Variants in TMTC2 observed in about 807,000 individuals in gnomAD.
TMTC2 encodes the protein transmembrane O-mannosyltransferase targeting cadherins 2, also known as protein O-mannosyl-transferase TMTC2.
TMTC2 carries 43 observed loss-of-function variants against 82.4 expected under a neutral mutation model. The ratio of observed to expected loss-of-function variants is 0.52; its 90% CI spans 0.41 to 0.67. TMTC2 has a LOEUF of 0.67. Ranked by LOEUF, TMTC2 falls within the 30% of genes least tolerant of loss-of-function variation. TMTC2 has a pLI of 0.00. For missense variants in TMTC2, 919 were observed against 1,012.4 expected, an observed-to-expected ratio of 0.91 and a Z score of 1.25; for synonymous variants, 408 against 381.9, an observed-to-expected ratio of 1.07 and a Z score of -0.80.
chr12:82,898,029 C>T (rs1280475227), intron 3 of TMTC2, among the ~76,000 whole-genome samples: 1 of 152,104 alleles, frequency 6.6e-6, no homozygotes. Context: ...CTGATGAGCA[C>T]AAATTAAGTC....
chr12:82,998,190 A>G (rs1385600363), intron 8 of TMTC2, among the ~76,000 whole-genome samples: 1 of 152,166 alleles, frequency 6.6e-6, no homozygotes, highest in African/African-American at 2.4e-5. Context: ...AACTTACTAA[A>G]AAAGAGTGTG....
chr12:82,961,945 G>C (rs1049622351), intron 4 of TMTC2, among the ~76,000 whole-genome samples: 5 of 151,950 alleles, frequency 3.3e-5, no homozygotes, highest in African/African-American at 1.2e-4. Context: ...ATCTATCTTA[G>C]ACTCACTCTA....
intron 8 of TMTC2, among the ~76,000 whole-genome samples, chr12:83,022,388 G>T (rs1375389062): frequency 9.1e-6 from 1 of 110,286 alleles, no homozygotes; most frequent in Non-Finnish European, 1.7e-5. Flanking sequence ...CCCCAGTTGT[G>T]CATTGCTCTC....
Position 83,012,438 on chromosome 12 carries a change from G to A in TMTC2, c.2071-18360G>A, listed in dbSNP as rs543353413. On this transcript the variant is annotated intron_variant, in intron 8 of 11. Transcript: ENST00000321196. ...TATTTCATTCTGTTGGTTAAATTCT[G>A]TTGGCAGAAGTCCTCAGCATTAAGA... is the stretch of plus-strand genomic sequence containing the variant. Among the ~76,000 whole-genome samples, 10 of 152,126 alleles carry A rather than the reference G, an allele frequency of 6.6e-5. 1 individual carries two copies. The highest frequency in any genetic ancestry group is 1.5e-4 in the Non-Finnish European group (10 of 67,986).
At chr12:82,856,949 T>G in intron 1 of TMTC2, 61 bp from the exon 2 acceptor site, 1 of 1,469,448 alleles carries the variant, frequency 6.8e-7, no homozygotes, top group Non-Finnish European at 9.2e-7. Flanking sequence ...CTTATCAATG[T>G]CATATTTTTT....
intron 4 of TMTC2, among the ~76,000 whole-genome samples, chr12:82,946,342 T>C (rs1876991240): frequency 6.6e-6 from 1 of 152,242 alleles, no homozygotes; most frequent in South Asian, 2.1e-4. Flanking sequence ...CACATTGATT[T>C]AGGTACATAT....
chr12:82,864,797 G>A (rs1199663020), intron 2 of TMTC2, among the ~76,000 whole-genome samples: 1 of 151,156 alleles, frequency 6.6e-6, no homozygotes, highest in South Asian at 2.1e-4. Flanking sequence ...CACCGCGCCC[G>A]GCCTACATTT....
chr12:82,908,478 T>C (rs1236662954), intron 3 of TMTC2, among the ~76,000 whole-genome samples: 1 of 152,118 alleles, frequency 6.6e-6, no homozygotes. Context: ...CTTTGATGAA[T>C]TATATTAATA....
chr12:82,910,214 G>A (rs1296877746), intron 3 of TMTC2, among the ~76,000 whole-genome samples: 4 of 152,184 alleles, frequency 2.6e-5, no homozygotes, highest in Non-Finnish European at 5.9e-5. Flanking sequence ...AAAAGGATTT[G>A]ATGTAGAGGA....
chr12:83,084,239 G>A (rs1883571238), intron 11 of TMTC2, among the ~76,000 whole-genome samples: 1 of 152,044 alleles, frequency 6.6e-6, no homozygotes. Flanking sequence ...ACAAATCTTT[G>A]GGACAGCTAT....
intron 4 of TMTC2, among the ~76,000 whole-genome samples, chr12:82,947,047 A>AT (rs370841266): frequency 3.3e-5 from 5 of 151,966 alleles, no homozygotes; most frequent in African/African-American, 1.2e-4. Flanking sequence ...CGGCCCAGGC[A>AT]TGCACTTTCT....
intron 11 of TMTC2, among the ~76,000 whole-genome samples, chr12:83,107,190 T>C (rs968973505): frequency 6.6e-6 from 1 of 152,224 alleles, no homozygotes; most frequent in African/African-American, 2.4e-5. Flanking sequence ...GATCTTACAA[T>C]AGAATATTTG....
chr12:82,749,854 C>G (rs1875889859), intron 1 of TMTC2, among the ~76,000 whole-genome samples: 2 of 151,240 alleles, frequency 1.3e-5, no homozygotes, highest in Non-Finnish European at 2.9e-5. Flanking sequence ...TCTCCTGCCT[C>G]TGCTTCCCAG....
Position 83,095,242 on chromosome 12 carries a change from G to GT in TMTC2, c.2331+33419dup, listed in dbSNP as rs535511905. Among the ~76,000 whole-genome samples, 82 of 115,662 alleles carry GT rather than the reference G, an allele frequency of 7.1e-4. 1 individual carries two copies. Among genetic ancestry groups the GT allele is most frequent in the South Asian group, 3.2e-3 (11 of 3,462 alleles). 75.9% of individuals were successfully genotyped at this position (115,662 alleles called of 152,430 possible). On this transcript the variant is annotated intron_variant, in intron 11 of 11. Transcript: ENST00000321196. ...GGTTTTTTTTTTTGTTTTTTTTTTT[G>GT]TTTTTTTTGTTTTTTTGAGATGGAG... is the stretch of plus-strand genomic sequence containing the variant.
intron 1 of TMTC2, among the ~76,000 whole-genome samples, chr12:82,765,927 A>C (rs1323361249): frequency 1.3e-5 from 2 of 152,178 alleles, no homozygotes; most frequent in Non-Finnish European, 2.9e-5. Context: ...AATGTTCATG[A>C]ACTCAGTGGG....
intron 3 of TMTC2, among the ~76,000 whole-genome samples, chr12:82,923,631 A>C (rs1875520719): frequency 6.6e-6 from 1 of 152,098 alleles, no homozygotes; most frequent in African/African-American, 2.4e-5. Context: ...TTTTTAAGCT[A>C]TCTGGGGTTT....
chr12:83,081,094 T>C (rs1883450461), intron 11 of TMTC2, among the ~76,000 whole-genome samples: 1 of 152,216 alleles, frequency 6.6e-6, no homozygotes, highest in Non-Finnish European at 1.5e-5. Context: ...ACATCATTTT[T>C]ATGAGTATTT....
At chr12:83,094,332 T>G (rs2137523942) in intron 11 of TMTC2, among the ~76,000 whole-genome samples, 1 of 152,276 alleles carries the variant, frequency 6.6e-6, no homozygotes, top group South Asian at 2.1e-4. Context: ...GCATTTCCAC[T>G]TTTGAAGGAA....
At chr12:82,760,211 T>C (rs1170554962) in intron 1 of TMTC2, 2 of 152,058 alleles carry the variant, frequency 1.3e-5, no homozygotes, top group East Asian at 1.9e-4. Context: ...TTTTAAAATA[T>C]GTAATCAGCA....
Sources: allele counts gnomAD v4.1 joint callset (sites outside exome capture counted in the v4.1 genomes callset), GRCh38; gene constraint gnomAD v4.1.1; transcripts MANE v1.5; gene names NCBI Gene and HGNC (gene_info 2026-07-23, HGNC 2026-07-21).